Variants in PADI4 observed in about 807,000 individuals in gnomAD.
The protein encoded by PADI4 is peptidyl arginine deiminase 4, also known as protein-arginine deiminase type-4.
A neutral mutation model predicts 75.0 loss-of-function variants in PADI4; 62 were observed. The ratio of observed to expected loss-of-function variants is 0.83; its 90% CI spans 0.67 to 1.02. The LOEUF is 1.02. Among genes scored for constraint, PADI4 ranks in the 50% least tolerant of loss-of-function variants. The pLI, the probability that PADI4 is intolerant of heterozygous loss-of-function variation, is 0.00. For synonymous variants in PADI4, 361 were observed against 348.1 expected, an observed-to-expected ratio of 1.04 and a Z score of -0.41; for missense variants, 845 against 850.5, an observed-to-expected ratio of 0.99 and a Z score of 0.08.
intron 15 of PADI4, among the ~76,000 whole-genome samples, chr1:17,362,270 T>C (rs1026518371): frequency 6.6e-6 from 1 of 150,732 alleles, no homozygotes; most frequent in Non-Finnish European, 1.5e-5. Context: ...GGATGATTGC[T>C]TGAGCCCAGG....
rs2073910353 is a variant in PADI4 at position 17,315,170 on chromosome 1, C to A, written c.92+6856C>A. 2.0e-5 allele frequency among the ~76,000 whole-genome samples: 3 copies of A among 152,136 alleles called. No individual in the cohort carries two copies. In the South Asian group the frequency reaches 6.2e-4, roughly 31 times the overall value. ...GGACTGGGGGGAGTCCACAAGGGAA[C>A]CCCAGATTTTCCACCTTGTCCCATC... On this transcript the variant is annotated intron_variant, in intron 1 of 15. Transcript: ENST00000375448.
Position 17,354,621 on chromosome 1 carries a change from C to G in PADI4, c.1244C>G (p.Pro415Arg). Reference sequence around the variant, plus strand: ...TTTGGGAACCTGGAAGTGAGCCCCCCAGTCACAGTCAGGGGCAAGGAATAC... The same window carrying G: ...TTTGGGAACCTGGAAGTGAGCCCCCGAGTCACAGTCAGGGGCAAGGAATAC... ...DSFGNLEVSPPVTVRGKEYPL... is the reference protein window; with the variant it reads ...DSFGNLEVSPRVTVRGKEYPL... Residue 415 changes from proline to arginine, a missense_variant, in exon 11 of 16, where the codon CCA becomes CGA. Transcript: ENST00000375448. 6.2e-7 allele frequency: 1 copy of G among 1,614,114 alleles called. No homozygotes were observed. Among genetic ancestry groups the G allele is most frequent in the Non-Finnish European group, 8.5e-7 (1 of 1,179,982 alleles).
chr1:17,313,541 A>T (rs1189610684), intron 1 of PADI4, among the ~76,000 whole-genome samples: 1 of 150,882 alleles, frequency 6.6e-6, no homozygotes, highest in African/African-American at 2.4e-5. Flanking sequence ...GGAAAGAAGG[A>T]AAGAAGGAAA....
At chr1:17,357,681 C>CTA (rs1487646613) in intron 13 of PADI4, among the ~76,000 whole-genome samples, 2 of 152,034 alleles carry the variant, frequency 1.3e-5, no homozygotes. Context: ...GCCTGTAATC[C>CTA]TAGCACTTTG....
intron 1 of PADI4, among the ~76,000 whole-genome samples, chr1:17,325,378 T>C (rs889235666): frequency 1.3e-5 from 2 of 152,168 alleles, no homozygotes; most frequent in African/African-American, 4.8e-5. Context: ...TTAAAAATTG[T>C]TTTCTTCTTA....
chr1:17,328,332 T>C (rs2074149092), intron 1 of PADI4, among the ~76,000 whole-genome samples: 1 of 151,850 alleles, frequency 6.6e-6, no homozygotes, highest in Admixed American at 6.6e-5. Flanking sequence ...CCAAAGACCT[T>C]TAAAAGTATA....
At position 17,358,174 on chromosome 1, in the gene PADI4, G is replaced by A. The variant is rs1354945890; in HGVS notation, c.1559-664G>A. Among the ~76,000 whole-genome samples the A allele has an allele frequency of 3.3e-5, 5 of 151,958 alleles. No homozygotes were observed. In the East Asian group the frequency reaches 7.7e-4, roughly 23 times the overall value. ...GAGGCAGGAGAATCGCTTGAACTCG[G>A]GAGGTGGAGGTTGCAGTGAGTCAAG... is the stretch of plus-strand genomic sequence containing the variant. On this transcript the variant is annotated intron_variant, in intron 13 of 15. Coordinates refer to ENST00000375448, the MANE Select transcript of PADI4 (RefSeq NM_012387.3).
At chr1:17,347,810 A>G (rs1217868038) in intron 9 of PADI4, 131 bp from the exon 10 acceptor site, 1 of 497,684 alleles carries the variant, frequency 2.0e-6, no homozygotes, top group Non-Finnish European at 3.6e-6. Flanking sequence ...TCTGAGATCA[A>G]ACATCCCATA....
rs534990475 is a variant in PADI4 at position 17,363,273 on chromosome 1, C to G, written c.1759-249C>G. 4.6e-5 allele frequency among the ~76,000 whole-genome samples: 7 copies of G among 152,308 alleles called. No homozygotes were observed. The East Asian group carries it at 1.3e-3, about 29-fold the overall frequency. ...AGCTGGGACCACAGGCACGCACCAC[C>G]ATGCCAAGCTAATTTTTAAAAATAC... On this transcript the variant is annotated intron_variant, in intron 15 of 15. Coordinates refer to ENST00000375448, the MANE Select transcript of PADI4 (RefSeq NM_012387.3).
chr1:17,337,952 G>A, intron 4 of PADI4, 86 bp from the exon 5 acceptor site: 1 of 607,066 alleles, frequency 1.6e-6, no homozygotes, highest in Non-Finnish European at 3.0e-6. Context: ...TTAAAAAAGA[G>A]GTGATGGGGA....
chr1:17,331,465 C>T (rs1035413529), intron 2 of PADI4, among the ~76,000 whole-genome samples: 1 of 152,236 alleles, frequency 6.6e-6, no homozygotes, highest in Admixed American at 6.5e-5. Flanking sequence ...GTGCAGCCCT[C>T]ATGGGGCTTA....
In PADI4 at chr1:17,356,987, C is replaced by T. The variant is rs2074772276; in HGVS notation, c.1558+528C>T. Among the ~76,000 whole-genome samples the T allele has an allele frequency of 6.6e-6, 1 of 152,140 alleles. No individual in the cohort carries two copies. Among genetic ancestry groups the T allele is most frequent in the Admixed American group, 6.5e-5 (1 of 15,278 alleles). On this transcript the variant is annotated intron_variant, in intron 13 of 15. Transcript: ENST00000375448. This position sits in a 1 kb window ranked among gnomAD's most constrained non-coding sequence, Gnocchi z 4.1. ...GCTGAGATGCCTCTGTGGCTGAGAG[C>T]TCCACCTCAGATCTGAGTATGTTGT...
At position 17,359,518 on chromosome 1, in the gene PADI4, C is replaced by T. The variant is rs6673924; in HGVS notation, c.1758+110C>T. The T allele has an allele frequency of 3.5e-3, 5,038 of 1,445,642 alleles. 142 individuals are homozygous for T. The African/African-American group carries it at 0.059, about 17-fold the overall frequency. 89.6% of individuals were successfully genotyped at this position (1,445,642 alleles called of 1,614,324 possible). A position where few individuals can be genotyped will look rare whatever the true frequency, so the allele number is the denominator to read the frequency against. On this transcript the variant is annotated intron_variant, in intron 15 of 15. Transcript: ENST00000375448. ...CAGAGGGCTTGGCTCCTCTCTGTAA[C>T]CGTTTGTAGCTTTGTCCTGAGTGGT... is the stretch of plus-strand genomic sequence containing the variant.
At chr1:17,335,890 G>A (rs945916169) in intron 3 of PADI4, among the ~76,000 whole-genome samples, 2 of 152,230 alleles carry the variant, frequency 1.3e-5, no homozygotes, top group Non-Finnish European at 2.9e-5. Context: ...GACGTGCAGG[G>A]TCTGGTGGAC....
intron 6 of PADI4, 46 bp downstream of exon 6, chr1:17,339,859 G>A (rs367795792): frequency 4.5e-6 from 7 of 1,545,942 alleles, no homozygotes; most frequent in African/African-American, 2.7e-5. Context: ...GGCCAACGGG[G>A]CACAATCCTG....
rs2074876919 is a variant in PADI4 at position 17,363,551 on chromosome 1, G to A, written c.1788G>A (p.Leu596=). ...ACATGCTGGTGCTAGGGAAGCACCT[G>A]GGCATCCCCAAGCCCTTCGGGCCCG... ...MVNMLVLGKH[L]GIPKPFGPVI... Residue 596 remains leucine, a synonymous_variant, in exon 16 of 16, where the codon CTG becomes CTA. Transcript: ENST00000375448. The A allele has an allele frequency of 6.2e-7, 1 of 1,613,694 alleles. No individual in the cohort carries two copies. The highest frequency in any genetic ancestry group is 1.3e-5 in the African/African-American group (1 of 74,940).
intron 1 of PADI4, among the ~76,000 whole-genome samples, chr1:17,320,115 C>T (rs2074009102): frequency 6.6e-6 from 1 of 152,234 alleles, no homozygotes; most frequent in African/African-American, 2.4e-5. Context: ...AGGCTGTATT[C>T]CTTCTGGAAG....
In PADI4 at chr1:17,356,480, TCTC is replaced by T. The variant is rs752289166; in HGVS notation, c.1558+24_1558+26del. ...CAAGAGTAAGTCGGCCCTGCCTTGT[TCTC>T]CTGTCTGTGCACCTTCCTGCTTCCC... On this transcript the variant is annotated intron_variant, in intron 13 of 15. Transcript: ENST00000375448. The surrounding 1 kb of genome is among the most constrained non-coding windows in gnomAD (Gnocchi z 4.1). The T allele has an allele frequency of 1.3e-4, 185 of 1,427,490 alleles. 1 individual carries two copies. Among genetic ancestry groups the T allele is most frequent in the Non-Finnish European group, 1.7e-4 (172 of 1,014,292 alleles). 88.4% of individuals were successfully genotyped at this position (1,427,490 alleles called of 1,614,324 possible).
intron 4 of PADI4, among the ~76,000 whole-genome samples, chr1:17,337,135 T>G (rs1635591): frequency 0.63 from 95,271 of 151,288 alleles, 30,293 homozygotes; most frequent in Non-Finnish European, 0.67. Flanking sequence ...TTTTATTTAT[T>G]TATTTATGTA....
Sources: gnomAD v4.1 joint callset for allele counts (sites outside exome capture counted in the v4.1 genomes callset) on GRCh38, gnomAD v4.1.1 for gene constraint, Gnocchi (gnomAD v3.1) non-coding constraint, MANE v1.5 for transcripts, NCBI Gene and HGNC (gene_info 2026-07-23, HGNC 2026-07-21) for gene names.